The following ACACB variants were observed in gnomAD, a reference collection of about 807,000 sequenced individuals.
ACACB encodes the protein acetyl-CoA carboxylase beta.
A neutral mutation model predicts 278.8 loss-of-function variants in ACACB; 209 were observed. The observed-to-expected ratio is 0.75, with a 90% confidence interval of 0.67 to 0.84. The LOEUF (loss-of-function observed/expected upper bound fraction) is 0.84. Among genes scored for constraint, ACACB ranks in the 40% least tolerant of loss-of-function variants. The pLI is 0.00. For missense variants in ACACB, 2,850 were observed against 3,269.0 expected (o/e 0.87, Z 3.13); for synonymous variants, 1,174 against 1,285.6 (o/e 0.91, Z 1.86).
chr12:109,194,610 C>CTGTG lies in ACACB; in HGVS notation c.2481+917_2481+920dup, dbSNP rs144545047. On this transcript the variant is annotated intron_variant, in intron 16 of 52. Transcript: ENST00000338432. ...ATGAGCCACCCCCTGGCCTCTGCCT[C>CTGTG]TGTGTGTGTGTGTGTGTGTGTGTGT... is the stretch of plus-strand genomic sequence containing the variant. Among the ~76,000 whole-genome samples, 483 of 95,330 alleles carry CTGTG rather than the reference C, an allele frequency of 5.1e-3. 5 individuals carry two copies. The highest frequency in any genetic ancestry group is 8.5e-3 in the African/African-American group (260 of 30,534). The allele number at this position is 95,330 out of a possible 152,430, so 62.5% of individuals were successfully genotyped here. A position where few individuals can be genotyped will look rare whatever the true frequency, so the allele number is the denominator to read the frequency against.
In ACACB at chr12:109,201,791, G is replaced by T. The variant is rs1024574453; in HGVS notation, c.2913+90G>T. ...AGTGAGACAGGTGGACTCAAGGCTGGTAGCGCTTCTCCTGCCTCCACCTGC... is the reference window on the plus strand; with the variant it reads ...AGTGAGACAGGTGGACTCAAGGCTGTTAGCGCTTCTCCTGCCTCCACCTGC... On this transcript the variant is annotated intron_variant, in intron 19 of 52. Transcript: ENST00000338432. 2.2e-5 allele frequency: 33 copies of T among 1,520,530 alleles called. No homozygotes were observed. The Admixed American group carries it at 4.1e-4, about 19-fold the overall frequency. 94.2% of individuals were successfully genotyped at this position (1,520,530 alleles called of 1,614,324 possible).
intron 49 of ACACB, among the ~76,000 whole-genome samples, chr12:109,262,818 T>C (rs2047412864): frequency 6.6e-6 from 1 of 151,466 alleles, no homozygotes; most frequent in Non-Finnish European, 1.5e-5. Context: ...GGTTTCGCCA[T>C]GTTGCCCAGG....
intron 15 of ACACB, among the ~76,000 whole-genome samples, chr12:109,192,580 A>G (rs1050599619): frequency 1.3e-5 from 2 of 152,154 alleles, no homozygotes; most frequent in Admixed American, 6.5e-5. Context: ...CAGGGTTAGG[A>G]GTAGAATAAT....
At chr12:109,140,177 C>A in intron 2 of ACACB, 119 bp downstream of exon 2, 1 of 1,088,138 alleles carries the variant, frequency 9.2e-7, no homozygotes, top group Non-Finnish European at 1.2e-6. Flanking sequence ...TCAAGGGTGG[C>A]TATGCACAAA....
chr12:109,218,041 T>G (rs1007362343), intron 24 of ACACB, among the ~76,000 whole-genome samples: 1 of 152,180 alleles, frequency 6.6e-6, no homozygotes, highest in Admixed American at 6.5e-5. Flanking sequence ...GGCACCCAGC[T>G]CCTAAATGTA....
At chr12:109,226,792 G>C (rs1026449141) in intron 27 of ACACB, among the ~76,000 whole-genome samples, 4 of 151,372 alleles carry the variant, frequency 2.6e-5, no homozygotes, top group Admixed American at 2.6e-4. Flanking sequence ...GAATTGAGTA[G>C]TTGCAGCCAA....
At position 109,180,028 on chromosome 12, in the gene ACACB, G is replaced by A. The variant is rs2044413822; in HGVS notation, c.1759G>A (p.Val587Met). 1 of 1,613,416 alleles carries A rather than the reference G, an allele frequency of 6.2e-7. No individual in the cohort carries two copies. The highest frequency in any genetic ancestry group is 8.5e-7 in the Non-Finnish European group (1 of 1,180,028). Reference protein sequence around the residue: ...HFLELNPRLQVEHPCTEMIAD... With the variant: ...HFLELNPRLQMEHPCTEMIAD... ...CTTGGAGCTGAATCCTCGCTTGCAG[G>A]TGGAACATCCCTGCACAGAAATGAT... Residue 587 changes from valine (V) to methionine (M), a missense_variant, in exon 11 of 53, where the codon GTG becomes ATG. Physicochemically the swap from Val to Met is conservative, Grantham distance 21. Around this residue, in one of 3 missense-constraint regions of ACACB, gnomAD observed 2,265 missense variants for 2,561.3 expected, o/e 0.88. Transcript: ENST00000338432.
chr12:109,167,697 C>T (rs1178496451), intron 3 of ACACB, among the ~76,000 whole-genome samples, 199 bp from the exon 4 acceptor site: 1 of 139,432 alleles, frequency 7.2e-6, no homozygotes, highest in Non-Finnish European at 1.5e-5. Context: ...TTTGATGATC[C>T]ATTCATGTGG....
In ACACB at chr12:109,260,560, A is replaced by G; in HGVS notation, c.6577A>G (p.Ile2193Val). Residue 2193 changes from isoleucine (I) to valine (V), a missense_variant, in exon 48 of 53, where the codon ATC (isoleucine) becomes GTC (valine). Transcript: ENST00000338432. ...RQYKQPILIYIPPYAELRGGS... is the reference protein window; with the variant it reads ...RQYKQPILIYVPPYAELRGGS... ...ATACAAACAGCCCATCCTGATCTAT[A>G]TCCCGCCCTATGCGGAGCTCCGGGG... The G allele has an allele frequency of 6.2e-7, 1 of 1,614,168 alleles. No individual in the cohort carries two copies.
At chr12:109,184,173 C>A (rs569864764) in intron 11 of ACACB, among the ~76,000 whole-genome samples, 1 of 152,020 alleles carries the variant, frequency 6.6e-6, no homozygotes, top group Non-Finnish European at 1.5e-5. Context: ...CTGCCTCAGC[C>A]TCCCGAGTAG....
chr12:109,253,129 ATCC>A lies in ACACB; in HGVS notation c.6018_6020del (p.Ile2006_Leu2007delinsMet). On this transcript the variant is annotated inframe_deletion, in exon 43 of 53. Transcript: ENST00000338432. ...AGATGACTTTGAGGGGGTTTATACC[ATCC>A]TGGAGTGGCTGTCCTATATGCCAAA... is the stretch of plus-strand genomic sequence containing the variant. 1 of 1,601,948 alleles carries A rather than the reference ATCC, an allele frequency of 6.2e-7. No homozygotes were observed. The highest frequency in any genetic ancestry group is 1.1e-5 in the South Asian group (1 of 88,588).
intron 2 of ACACB, among the ~76,000 whole-genome samples, chr12:109,163,084 C>T (rs969553217): frequency 5.9e-5 from 9 of 152,092 alleles, no homozygotes; most frequent in South Asian, 2.1e-4. Context: ...CCACCAAGCC[C>T]GGCTAATTTT....
intron 1 of ACACB, among the ~76,000 whole-genome samples, chr12:109,117,900 C>T (rs1566133718): frequency 6.6e-6 from 1 of 152,192 alleles, no homozygotes; most frequent in Non-Finnish European, 1.5e-5. Flanking sequence ...GCACCCACTA[C>T]CACGCCCGGC....
intron 28 of ACACB, among the ~76,000 whole-genome samples, 159 bp from the exon 29 acceptor site, chr12:109,232,510 C>T (rs1363083446): frequency 6.6e-6 from 1 of 152,198 alleles, no homozygotes; most frequent in Non-Finnish European, 1.5e-5. Context: ...CTCCTCAGGC[C>T]CCGGCCCCAG....
At chr12:109,238,825 A>G (rs2046713227) in intron 34 of ACACB, among the ~76,000 whole-genome samples, 1 of 151,994 alleles carries the variant, frequency 6.6e-6, no homozygotes, top group Non-Finnish European at 1.5e-5. Flanking sequence ...TCGGCCTCCC[A>G]AAGTGCTGGG....
intron 1 of ACACB, among the ~76,000 whole-genome samples, chr12:109,122,333 A>T (rs2042567726): frequency 6.6e-6 from 1 of 152,198 alleles, no homozygotes; most frequent in Non-Finnish European, 1.5e-5. Context: ...CATATAGGCC[A>T]GGTATGGTGG....
chr12:109,220,119 C>T (rs1165640272), intron 24 of ACACB, among the ~76,000 whole-genome samples: 2 of 152,154 alleles, frequency 1.3e-5, no homozygotes, highest in South Asian at 2.1e-4. Flanking sequence ...ATATCATGTA[C>T]ACCAGAGGAC....
At chr12:109,196,613 G>C (rs1241385560) in intron 16 of ACACB, among the ~76,000 whole-genome samples, 1 of 152,180 alleles carries the variant, frequency 6.6e-6, no homozygotes, top group African/African-American at 2.4e-5. Flanking sequence ...TTCAACTTAT[G>C]AATTTTGCGG....
intron 2 of ACACB, among the ~76,000 whole-genome samples, chr12:109,151,881 A>T (rs1471030313): frequency 2.0e-5 from 3 of 152,364 alleles, no homozygotes; most frequent in African/African-American, 7.2e-5. Flanking sequence ...TTGGTGCAAA[A>T]GTAATCGTGG....
Sources: allele counts gnomAD v4.1 joint callset (sites outside exome capture counted in the v4.1 genomes callset), GRCh38; gene constraint gnomAD v4.1.1; regional missense constraint gnomAD v4.1.1; transcripts MANE v1.5; gene names NCBI Gene and HGNC (gene_info 2026-07-23, HGNC 2026-07-21).